Variants in EVPLL observed in about 807,000 individuals in gnomAD.
EVPLL encodes envoplakin-like protein.
Under a neutral mutation model 46.2 loss-of-function variants are expected in EVPLL, and 39 were observed. The observed-to-expected ratio is 0.84, with a 90% confidence interval of 0.65 to 1.10. The LOEUF (loss-of-function observed/expected upper bound fraction) is 1.10, where lower values mean the gene tolerates loss of function less well. Ranked by LOEUF, EVPLL falls within the 50% of genes least tolerant of loss-of-function variation. EVPLL has a pLI of 0.00. For synonymous variants in EVPLL, 156 were observed against 165.8 expected (o/e 0.94, Z 0.46); for missense variants, 385 against 412.6 (o/e 0.93, Z 0.58).
At chr17:18,387,421 G>A (rs796947260) in intron 9 of EVPLL, among the ~76,000 whole-genome samples, 2,360 of 122,480 alleles carry the variant, frequency 0.019, no homozygotes, top group African/African-American at 0.03. Flanking sequence ...TGGCCTCCCT[G>A]GTGCCACCTG....
rs1226055422 is a variant in EVPLL at position 18,383,072 on chromosome 17, C to T, written c.559C>T (p.Leu187=). 6.4e-7 allele frequency: 1 copy of T among 1,555,916 alleles called. No individual in the cohort carries two copies. Among genetic ancestry groups the T allele is most frequent in the Non-Finnish European group, 8.6e-7 (1 of 1,157,474 alleles). ...RAEPGQPVHA[L]QGCTWQLSAL... ...AGAGCCTGGGCAGCCTGTACACGCA[C>T]TGCAGGGCTGCACGTGGCAGCTGAG... The change falls in exon 7 of 11, where the codon CTG becomes TTG. Residue 187 remains leucine, a synonymous_variant. Transcript: ENST00000399134.
rs757029274 is a variant in EVPLL at position 18,383,374 on chromosome 17, T to A, written c.776T>A (p.Ile259Asn). The change falls in exon 8 of 11, where the codon ATC (isoleucine) becomes AAC (asparagine). Residue 259 changes from isoleucine to asparagine, a missense_variant. Transcript: ENST00000399134. ...CTGCGGCACCCCGCGGTGGGGCCCATCCAGGTGCGCTGGGGGCAGGGCGAG... is the reference window on the plus strand; with the variant it reads ...CTGCGGCACCCCGCGGTGGGGCCCAACCAGGTGCGCTGGGGGCAGGGCGAG... ...VELRHPAVGP[I>N]QAHQEALKME... 4 of 1,391,972 alleles carry A rather than the reference T, an allele frequency of 2.9e-6. No homozygotes were observed. Among genetic ancestry groups the A allele is most frequent in the Non-Finnish European group, 3.8e-6 (4 of 1,046,880 alleles). 86.2% of individuals were successfully genotyped at this position (1,391,972 alleles called of 1,614,324 possible). A position where few individuals can be genotyped will look rare whatever the true frequency, so the allele number is the denominator to read the frequency against.
chr17:18,383,652 C>G lies in EVPLL; in HGVS notation c.876+65C>G, dbSNP rs1987679251. 25 of 1,376,754 alleles carry G rather than the reference C, an allele frequency of 1.8e-5. 1 individual carries two copies. The South Asian group carries it at 3.0e-4, about 16-fold the overall frequency. 85.3% of individuals were successfully genotyped at this position (1,376,754 alleles called of 1,614,324 possible). The stretch of plus-strand genomic sequence containing the variant: ...GCGGGAGGTCCCACAGCACACCGGC[C>G]CACAGGAGAGGCACTGCACCTCTCA... On this transcript the variant is annotated intron_variant, in intron 9 of 10. Transcript: ENST00000399134.
Position 18,381,107 on chromosome 17 carries a change from G to C in EVPLL, c.63+107G>C. 1 of 1,389,218 alleles carries C rather than the reference G, an allele frequency of 7.2e-7. No individual in the cohort carries two copies. Among genetic ancestry groups the C allele is most frequent in the Non-Finnish European group, 9.9e-7 (1 of 1,006,752 alleles). 86.1% of individuals were successfully genotyped at this position (1,389,218 alleles called of 1,614,324 possible). Reference sequence around the variant, plus strand: ...GTGCCCCCTGGTGATGGTGAAGATGGGACAGATGACATTTGTCCTGCACCG... The same window carrying C: ...GTGCCCCCTGGTGATGGTGAAGATGCGACAGATGACATTTGTCCTGCACCG... On this transcript the variant is annotated intron_variant, in intron 2 of 10. Transcript: ENST00000399134. The surrounding 1 kb of genome is among the most constrained non-coding windows in gnomAD (Gnocchi z 4.2).
chr17:18,381,318 G>T lies in EVPLL; in HGVS notation c.64-49G>T, dbSNP rs1327798050. The T allele has an allele frequency of 6.6e-7, 1 of 1,507,012 alleles. No homozygotes were observed. 93.4% of individuals were successfully genotyped at this position (1,507,012 alleles called of 1,614,324 possible). On this transcript the variant is annotated intron_variant, in intron 2 of 10. Coordinates refer to ENST00000399134, the MANE Select transcript of EVPLL (RefSeq NM_001145127.2). The surrounding 1 kb of genome is among the most constrained non-coding windows in gnomAD (Gnocchi z 4.2). ...CAGGCCCACAATGATGGGCAGCAGGGGTGTGGGGGCTCTGGACCCTGGCAA... is the reference window on the plus strand; with the variant it reads ...CAGGCCCACAATGATGGGCAGCAGGTGTGTGGGGGCTCTGGACCCTGGCAA...
At chr17:18,378,128 G>C in intron 1 of EVPLL, 145 bp downstream of exon 1, 1 of 345,672 alleles carries the variant, frequency 2.9e-6, no homozygotes, top group Non-Finnish European at 5.1e-6. Flanking sequence ...GGGCCCAGGG[G>C]TGGACTCTCT....
chr17:18,387,342 A>G (rs2151632692), intron 9 of EVPLL, among the ~76,000 whole-genome samples: 1 of 151,862 alleles, frequency 6.6e-6, no homozygotes, highest in African/African-American at 2.4e-5. Context: ...GATTCCAGCC[A>G]TTTGTCATGA....
chr17:18,384,740 A>G (rs62074172), intron 9 of EVPLL, among the ~76,000 whole-genome samples: 17,336 of 152,180 alleles, frequency 0.11, 1,089 homozygotes, highest in South Asian at 0.14. Context: ...TGTTAAAACA[A>G]AACAGAATAG....
rs566498118 is a variant in EVPLL, at chr17:18,384,936, G to A, written c.876+1349G>A. On this transcript the variant is annotated intron_variant, in intron 9 of 10. Coordinates refer to ENST00000399134, the MANE Select transcript of EVPLL (RefSeq NM_001145127.2). ...AAGATGGGTAGAAAGAGATGGGGGA[G>A]AGACAGAGGAGGCTGAGAGGGAGAG... 9.3e-5 allele frequency among the ~76,000 whole-genome samples: 14 copies of A among 150,840 alleles called. No homozygotes were observed. In the East Asian group the frequency reaches 2.7e-3, roughly 29 times the overall value.
At chr17:18,378,647 TA>T (rs1017168124) in intron 1 of EVPLL, among the ~76,000 whole-genome samples, 1 of 150,528 alleles carries the variant, frequency 6.6e-6, no homozygotes, top group African/African-American at 2.5e-5. Flanking sequence ...CTTGTTTCTA[TA>T]AAAAAAATAA....
intron 9 of EVPLL, among the ~76,000 whole-genome samples, chr17:18,384,859 G>A (rs1987716785): frequency 6.6e-6 from 1 of 152,196 alleles, no homozygotes; most frequent in Non-Finnish European, 1.5e-5. Context: ...GGATTGGGTG[G>A]TGCTCCTCCC....
In EVPLL at chr17:18,382,575, G is replaced by C; in HGVS notation, c.409G>C (p.Ala137Pro). ...HGGAGGTDRGAQHRAEGDQRP... is the reference protein window; with the variant it reads ...HGGAGGTDRGPQHRAEGDQRP... ...CGGAGCTGGAGGAACAGATCGCGGAGCTCAACATCGTGCAGAAGGAGATCA... is the reference window on the plus strand; with the variant it reads ...CGGAGCTGGAGGAACAGATCGCGGACCTCAACATCGTGCAGAAGGAGATCA... The change falls in exon 5 of 11, where the codon GCT becomes CCT. Residue 137 changes from alanine to proline, a missense_variant. Coordinates refer to ENST00000399134, the MANE Select transcript of EVPLL (RefSeq NM_001145127.2). 1 of 1,551,858 alleles carries C rather than the reference G, an allele frequency of 6.4e-7. No homozygotes were observed. Among genetic ancestry groups the C allele is most frequent in the Non-Finnish European group, 8.7e-7 (1 of 1,147,044 alleles).
chr17:18,379,664 C>G (rs1987495133), intron 1 of EVPLL, among the ~76,000 whole-genome samples: 1 of 152,236 alleles, frequency 6.6e-6, no homozygotes, highest in African/African-American at 2.4e-5. Context: ...CATGAACTTA[C>G]TGAGCACTTA....
At chr17:18,388,583 C>G in intron 10 of EVPLL, 1 of 194,684 alleles carries the variant, frequency 5.1e-6, no homozygotes, top group East Asian at 1.0e-4. Context: ...GCCCAGAGGA[C>G]CTTGTGGCAC....
intron 9 of EVPLL, among the ~76,000 whole-genome samples, chr17:18,384,423 G>A (rs1435281771): frequency 6.9e-6 from 1 of 144,994 alleles, no homozygotes; most frequent in African/African-American, 2.6e-5. Flanking sequence ...GTGACAGACT[G>A]TGACTCTGTC....
At chr17:18,379,011 T>G (rs1987474466) in intron 1 of EVPLL, among the ~76,000 whole-genome samples, 1 of 152,148 alleles carries the variant, frequency 6.6e-6, no homozygotes, top group Non-Finnish European at 1.5e-5. Flanking sequence ...GCCCGGGAAG[T>G]CGAGGCTGCA....
intron 6 of EVPLL, 57 bp downstream of exon 6, chr17:18,382,921 G>A: frequency 6.2e-7 from 1 of 1,600,046 alleles, no homozygotes; most frequent in Non-Finnish European, 8.5e-7. Context: ...GTGGCCGCCC[G>A]GACCCTGCCC....
rs573200328 is a variant in EVPLL at position 18,381,437 on chromosome 17, C to T, written c.134C>T (p.Ala45Val). ...GAGACGGGCAGCAGCCTGAAGGAGG[C>T]CGAGGTGCTGCTCAAGGACCTCTTC... is the stretch of plus-strand genomic sequence containing the variant. ...QQETGSSLKE[A>V]EVLLKDLFLD... The change falls in exon 3 of 11, where the codon GCC (alanine) becomes GTC (valine). Residue 45 changes from alanine (A) to valine (V), a missense_variant. Coordinates refer to ENST00000399134, the MANE Select transcript of EVPLL (RefSeq NM_001145127.2). This position sits in a 1 kb window ranked among gnomAD's most constrained non-coding sequence, Gnocchi z 4.2. 8.8e-5 allele frequency: 142 copies of T among 1,612,120 alleles called. No individual in the cohort carries two copies. The highest frequency in any genetic ancestry group is 1.2e-4 in the Non-Finnish European group (138 of 1,179,410).
At chr17:18,380,856 G>A (rs1987540271) in intron 1 of EVPLL, 46 bp from the exon 2 acceptor site, 3 of 1,495,510 alleles carry the variant, frequency 2.0e-6, no homozygotes, top group Middle Eastern at 3.4e-4. Flanking sequence ...GGGGCACAGA[G>A]GGGCCTCTTC....
Sources: gnomAD v4.1 joint callset for allele counts (sites outside exome capture counted in the v4.1 genomes callset) on GRCh38, gnomAD v4.1.1 for gene constraint, Gnocchi (gnomAD v3.1) non-coding constraint, MANE v1.5 for transcripts, NCBI Gene and HGNC (gene_info 2026-07-23, HGNC 2026-07-21) for gene names.